PTCD2: variants seen among roughly 807,000 people sequenced by gnomAD.
PTCD2 encodes the protein pentatricopeptide repeat domain 2, also known as pentatricopeptide repeat-containing protein 2, mitochondrial.
In PTCD2, 31 loss-of-function variants were observed where a neutral mutation model predicts 42.6. The ratio of observed to expected loss-of-function variants is 0.73; its 90% CI spans 0.55 to 0.98. The LOEUF (loss-of-function observed/expected upper bound fraction) is 0.98. Ranked by LOEUF, PTCD2 falls within the 50% of genes least tolerant of loss-of-function variation. The pLI is 0.00. For synonymous variants in PTCD2, 183 were observed against 170.9 expected (o/e 1.07, Z -0.55); for missense variants, 476 against 454.8 (o/e 1.05, Z -0.42).
At chr5:72,331,512 C>A in intron 4 of PTCD2, 137 bp downstream of exon 4, 1 of 696,018 alleles carries the variant, frequency 1.4e-6, no homozygotes, top group Non-Finnish European at 2.6e-6. Flanking sequence ...CACATCTCTG[C>A]ATTTTTAAGT....
At chr5:72,322,299 T>C in intron 2 of PTCD2, 35 bp downstream of exon 2, 2 of 1,264,566 alleles carry the variant, frequency 1.6e-6, no homozygotes, top group East Asian at 2.3e-5. Flanking sequence ...CTGTCATTTA[T>C]CTGTCATTTA....
intron 9 of PTCD2, among the ~76,000 whole-genome samples, chr5:72,357,375 C>T (rs1182376019): frequency 6.6e-6 from 1 of 152,052 alleles, no homozygotes; most frequent in Non-Finnish European, 1.5e-5. Flanking sequence ...CATAAGTGTA[C>T]TTCTCCTTCT....
chr5:72,341,035 G>A (rs1752029334), intron 7 of PTCD2, among the ~76,000 whole-genome samples: 1 of 151,212 alleles, frequency 6.6e-6, no homozygotes, highest in African/African-American at 2.4e-5. Context: ...CACGATTTCG[G>A]CTCACTGCAA....
At chr5:72,340,361 T>C (rs147927020) in intron 7 of PTCD2, among the ~76,000 whole-genome samples, 2 of 152,322 alleles carry the variant, frequency 1.3e-5, no homozygotes, top group Admixed American at 6.5e-5. Flanking sequence ...ACTTTACTCT[T>C]AAATGTACTT....
chr5:72,358,320 C>T lies in PTCD2; in HGVS notation c.1060C>T (p.Leu354Phe), dbSNP rs1368866701. Residue 354 changes from leucine to phenylalanine, a missense_variant, in exon 10 of 10, where the codon CTC becomes TTC. Physicochemically the swap from Leu to Phe is conservative, Grantham distance 22 (BLOSUM62 0). Transcript: ENST00000380639. ...CACCACTGATTCTTTGGATGCTGTG[C>T]TCTGCCACACCCCCAGGGACAGGAA... The part of the protein sequence containing the change: ...QVTTDSLDAV[L>F]CHTPRDRKSH... 3 of 1,613,928 alleles carry T rather than the reference C, an allele frequency of 1.9e-6. No individual in the cohort carries two copies. The highest frequency in any genetic ancestry group is 1.3e-5 in the African/African-American group (1 of 74,900).
intron 8 of PTCD2, among the ~76,000 whole-genome samples, chr5:72,346,481 G>GT (rs1473030467): frequency 6.6e-6 from 1 of 152,194 alleles, no homozygotes; most frequent in Non-Finnish European, 1.5e-5. Flanking sequence ...CCTGCTGCAG[G>GT]TAGCTCCTGT....
At chr5:72,330,133 G>T (rs1410426990) in intron 3 of PTCD2, among the ~76,000 whole-genome samples, 7 of 151,532 alleles carry the variant, frequency 4.6e-5, no homozygotes, top group African/African-American at 1.5e-4. Context: ...GTAGAGACGG[G>T]GTTTCACCAT....
chr5:72,332,687 T>C (rs1204363213), intron 4 of PTCD2, among the ~76,000 whole-genome samples: 1 of 152,126 alleles, frequency 6.6e-6, no homozygotes, highest in Non-Finnish European at 1.5e-5. Context: ...AAGTCATGTA[T>C]AGGTAAATTT....
intron 9 of PTCD2, among the ~76,000 whole-genome samples, chr5:72,354,516 C>T (rs1269412616): frequency 2.0e-5 from 3 of 151,014 alleles, no homozygotes; most frequent in East Asian, 3.9e-4. Context: ...TTTAAACTTT[C>T]GAAAAGATTC....
At position 72,365,548 on chromosome 5, in the gene PTCD2, G is replaced by C. The variant is rs1027881932; in HGVS notation, c.*7121G>C. 4 of 152,330 alleles carry C rather than the reference G, an allele frequency of 2.6e-5. No individual in the cohort carries two copies. In the South Asian group the frequency reaches 6.2e-4, roughly 24 times the overall value. The allele number at this position is 152,330 out of a possible 1,614,324, so 9.4% of individuals were successfully genotyped here. On this transcript the variant is annotated 3_prime_UTR_variant, in exon 10 of 10. Transcript: ENST00000380639. ...CAAGTCTCATTCCTGGTAACTAATA[G>C]TAACAGAATCTGCTGATGTATTCTA...
rs11416975 is a variant in PTCD2 at position 72,327,472 on chromosome 5, A to ATTT, written c.350+746_350+748dup. On this transcript the variant is annotated intron_variant, in intron 3 of 9. Coordinates refer to ENST00000380639, the MANE Select transcript of PTCD2 (RefSeq NM_024754.5). Reference sequence around the variant, plus strand: ...GCTCTTTTCCTTTTCTTTTTAAACTATTTTTTTTTTTTTTTTTGAGATGAA... The same window carrying ATTT: ...GCTCTTTTCCTTTTCTTTTTAAACTATTTTTTTTTTTTTTTTTTTTGAGATGAA... Among the ~76,000 whole-genome samples, 1,112 of 136,070 alleles carry ATTT rather than the reference A, an allele frequency of 8.2e-3. 25 individuals are homozygous for ATTT. The highest frequency in any genetic ancestry group is 0.03 in the African/African-American group (1,074 of 36,330). 89.3% of individuals were successfully genotyped at this position (136,070 alleles called of 152,430 possible).
chr5:72,337,232 GC>G (rs1405544944), intron 6 of PTCD2, among the ~76,000 whole-genome samples: 2 of 151,962 alleles, frequency 1.3e-5, no homozygotes, highest in East Asian at 3.9e-4. Context: ...TGTGATCTCT[GC>G]CCCATATTCT....
chr5:72,328,719 T>C (rs1751272447), intron 3 of PTCD2, among the ~76,000 whole-genome samples: 1 of 152,228 alleles, frequency 6.6e-6, no homozygotes, highest in African/African-American at 2.4e-5. Context: ...ATATAAATAT[T>C]TTCATGTTAA....
At chr5:72,358,123 A>G (rs1752969293) in intron 9 of PTCD2, 80 bp from the exon 10 acceptor site, 3 of 1,303,468 alleles carry the variant, frequency 2.3e-6, no homozygotes, top group South Asian at 1.3e-5. Context: ...GTTCATGTCC[A>G]TTTCTTTTTC....
rs1041783694 is a variant in PTCD2 at position 72,352,191 on chromosome 5, A to G, written c.829-450A>G. Among the ~76,000 whole-genome samples the G allele has an allele frequency of 3.9e-5, 6 of 152,258 alleles. 1 individual carries two copies. In the South Asian group the frequency reaches 1.2e-3, roughly 32 times the overall value. On this transcript the variant is annotated intron_variant, in intron 8 of 9. Coordinates refer to ENST00000380639, the MANE Select transcript of PTCD2 (RefSeq NM_024754.5). Reference sequence around the variant, plus strand: ...TGAGATGGAGTCTTGCTCTGTTGCCAGGCTGCAGTGCAGTGCCGCAATCTC... The same window carrying G: ...TGAGATGGAGTCTTGCTCTGTTGCCGGGCTGCAGTGCAGTGCCGCAATCTC...
At chr5:72,338,371 G>A (rs1751867447) in intron 6 of PTCD2, among the ~76,000 whole-genome samples, 1 of 152,122 alleles carries the variant, frequency 6.6e-6, no homozygotes, top group Admixed American at 6.5e-5. Flanking sequence ...ATGTTTTCTG[G>A]TTAAAACTGC....
intron 2 of PTCD2, among the ~76,000 whole-genome samples, chr5:72,325,265 C>T (rs1041124106): frequency 3.3e-5 from 5 of 152,152 alleles, no homozygotes; most frequent in South Asian, 2.1e-4. Flanking sequence ...CAAGATGTAA[C>T]GTCATCTCTT....
chr5:72,342,665 CT>C (rs1028038143), intron 7 of PTCD2, among the ~76,000 whole-genome samples: 3 of 152,182 alleles, frequency 2.0e-5, no homozygotes, highest in African/African-American at 7.2e-5. Flanking sequence ...AGGCTTTGCA[CT>C]TTGTTCTTCA....
In PTCD2 at chr5:72,364,879, G is replaced by T. The variant is rs1753166553; in HGVS notation, c.*6452G>T. 6.6e-6 allele frequency: 1 copy of T among 152,356 alleles called. No individual in the cohort carries two copies. Among genetic ancestry groups the T allele is most frequent in the Non-Finnish European group, 1.5e-5 (1 of 68,164 alleles). The allele number at this position is 152,356 out of a possible 1,614,324, so 9.4% of individuals were successfully genotyped here. A position where few individuals can be genotyped will look rare whatever the true frequency, so the allele number is the denominator to read the frequency against. The stretch of plus-strand genomic sequence containing the variant: ...CGAAGCACACAGCTAATCTGAGAAA[G>T]AAGTGATTTGGCGAGGGGTTGGGGG... On this transcript the variant is annotated 3_prime_UTR_variant, in exon 10 of 10. Coordinates refer to ENST00000380639, the MANE Select transcript of PTCD2 (RefSeq NM_024754.5).
Sources: allele counts gnomAD v4.1 joint callset (sites outside exome capture counted in the v4.1 genomes callset), GRCh38; gene constraint gnomAD v4.1.1; transcripts MANE v1.5; gene names NCBI Gene and HGNC (gene_info 2026-07-23, HGNC 2026-07-21).